Variants in NFIC observed in about 807,000 individuals in gnomAD.
NFIC encodes the protein nuclear factor 1 C-type.
Under a neutral mutation model 54.4 loss-of-function variants are expected in NFIC, and 12 were observed. The observed-to-expected ratio is 0.22, with a 90% CI of 0.14 to 0.36. NFIC has a LOEUF of 0.36. Ranked by LOEUF, NFIC falls within the 10% of genes least tolerant of loss-of-function variation. NFIC has a pLI of 1.00. For missense variants in NFIC, 575 were observed against 718.2 expected (o/e 0.80, Z 2.28); for synonymous variants, 322 against 319.2 (o/e 1.01, Z -0.09).
At chr19:3,366,844 A>AC (rs34678235) in intron 1 of NFIC, among the ~76,000 whole-genome samples, 178 bp downstream of exon 1, 78 of 147,924 alleles carry the variant, frequency 5.3e-4, no homozygotes, top group East Asian at 3.5e-3. Context: ...AGGCTGGGGT[A>AC]CCCCCCCCAC....
At chr19:3,438,293 G>T (rs2082236646) in intron 6 of NFIC, among the ~76,000 whole-genome samples, 1 of 152,114 alleles carries the variant, frequency 6.6e-6, no homozygotes, top group Admixed American at 6.6e-5. Flanking sequence ...GGAGGACAAA[G>T]AGGAAGCCCC....
At chr19:3,367,546 C>G (rs943986733) in intron 1 of NFIC, among the ~76,000 whole-genome samples, 70 of 152,242 alleles carry the variant, frequency 4.6e-4, no homozygotes, top group African/African-American at 1.6e-3. Context: ...CGGGGCCGAG[C>G]CTTGTGCAAT....
At chr19:3,426,437 A>G (rs2082028839) in intron 3 of NFIC, among the ~76,000 whole-genome samples, 1 of 152,060 alleles carries the variant, frequency 6.6e-6, no homozygotes, top group Admixed American at 6.6e-5. Flanking sequence ...AGGGATAGGA[A>G]GTGGGAAAAT....
At chr19:3,427,376 T>C (rs1174081545) in intron 3 of NFIC, among the ~76,000 whole-genome samples, 6 of 152,296 alleles carry the variant, frequency 3.9e-5, no homozygotes, top group South Asian at 2.1e-4. Context: ...GCTTTGTCTG[T>C]CTACATCTCT....
chr19:3,363,242 T>TGTGCGC (rs1491197799), upstream of NFIC, among the ~76,000 whole-genome samples: 3 of 61,190 alleles, frequency 4.9e-5, no homozygotes, highest in African/African-American at 1.4e-4. Flanking sequence ...TATGTGTGTG[T>TGTGCGC]ATATATATAT....
chr19:3,421,237 C>T (rs373619596), intron 2 of NFIC, among the ~76,000 whole-genome samples: 7 of 152,228 alleles, frequency 4.6e-5, no homozygotes, highest in East Asian at 1.9e-4. Flanking sequence ...GGGAAACACC[C>T]GGATGCCAGC....
intron 1 of NFIC, among the ~76,000 whole-genome samples, chr19:3,380,628 CTTTTTTTTT>C (rs1159916071): frequency 1.0e-5 from 1 of 96,118 alleles, no homozygotes; most frequent in African/African-American, 4.1e-5. Context: ...TGCGCCCAGG[CTTTTTTTTT>C]TTTTTTTTTT....
rs1410375094 is a variant in NFIC at position 3,459,206 on chromosome 19, C to T, written c.1509+2571C>T. ...CCAAAGCCTGGGTGGGCGCGCCTTTCCCTCTGCCTCTCCGGCTCCCGACAC... is the reference window on the plus strand; with the variant it reads ...CCAAAGCCTGGGTGGGCGCGCCTTTTCCTCTGCCTCTCCGGCTCCCGACAC... On this transcript the variant is annotated intron_variant, in intron 10 of 10. Transcript: ENST00000443272. This position sits in a 1 kb window ranked among gnomAD's most constrained non-coding sequence, Gnocchi z 4.2. Among the ~76,000 whole-genome samples, 3 of 151,126 alleles carry T rather than the reference C, an allele frequency of 2.0e-5. No individual in the cohort carries two copies. The highest frequency in any genetic ancestry group is 4.9e-5 in the African/African-American group (2 of 41,092).
chr19:3,454,188 C>T (rs1403723505), intron 9 of NFIC: 16 of 1,244,892 alleles, frequency 1.3e-5, no homozygotes, highest in African/African-American at 3.1e-5. Flanking sequence ...CGGTGCCCGC[C>T]GTGGGCCGTC....
intron 6 of NFIC, among the ~76,000 whole-genome samples, chr19:3,439,331 CTCAAAAAAAAAAAAAAAAAA>C (rs2082255226): frequency 1.8e-5 from 1 of 54,056 alleles, no homozygotes; most frequent in Non-Finnish European, 3.4e-5. Flanking sequence ...AAGACCCTGT[CTCAAAAAAAAAAAAAAAAAA>C]AAAAAAAAAA....
intron 1 of NFIC, among the ~76,000 whole-genome samples, chr19:3,368,515 G>C (rs12975866): frequency 0.26 from 38,964 of 152,166 alleles, 5,736 homozygotes; most frequent in Non-Finnish European, 0.34. Context: ...GCAAGAGACA[G>C]AGATGAGAAG....
At chr19:3,373,911 T>C (rs1455793135) in intron 1 of NFIC, among the ~76,000 whole-genome samples, 2 of 152,040 alleles carry the variant, frequency 1.3e-5, no homozygotes, top group African/African-American at 4.8e-5. Context: ...CAGGCTGTGA[T>C]TTTCTGAGCC....
In NFIC at chr19:3,369,257, C is replaced by G. The variant is rs2080954455; in HGVS notation, c.30+2591C>G. 6.6e-6 allele frequency among the ~76,000 whole-genome samples: 1 copy of G among 151,824 alleles called. No homozygotes were observed. On this transcript the variant is annotated intron_variant, in intron 1 of 10. Transcript: ENST00000443272. This position sits in a 1 kb window ranked among gnomAD's most constrained non-coding sequence, Gnocchi z 4.3. ...CCTTCCTCTCTGTCTCTGTTTCTCT[C>G]CAATATGTCTGTCTGTCTCTTCATC...
intron 1 of NFIC, among the ~76,000 whole-genome samples, chr19:3,377,567 T>G (rs1242628257): frequency 6.6e-6 from 1 of 151,998 alleles, no homozygotes; most frequent in Non-Finnish European, 1.5e-5. Flanking sequence ...TATTCCACCT[T>G]GAGGCTGAGA....
At chr19:3,430,959 A>G (rs2082111645) in intron 3 of NFIC, among the ~76,000 whole-genome samples, 1 of 151,542 alleles carries the variant, frequency 6.6e-6, no homozygotes, top group South Asian at 2.1e-4. Context: ...AAAGAAAAAG[A>G]AAGAAAGAAA....
intron 1 of NFIC, among the ~76,000 whole-genome samples, chr19:3,373,627 C>CCA (rs1253284697): frequency 8.5e-6 from 1 of 118,022 alleles, no homozygotes; most frequent in Admixed American, 9.3e-5. Context: ...ACCCCCCCCC[C>CCA]AAGCTAAAAA....
chr19:3,457,647 G>A (rs1176449848), intron 10 of NFIC, among the ~76,000 whole-genome samples: 1 of 152,156 alleles, frequency 6.6e-6, no homozygotes, highest in Non-Finnish European at 1.5e-5. Context: ...CAGCGGCCAC[G>A]GAACTGCAGA....
chr19:3,367,072 C>CT (rs1196410586), intron 1 of NFIC, among the ~76,000 whole-genome samples: 7 of 152,220 alleles, frequency 4.6e-5, no homozygotes, highest in East Asian at 1.9e-4. Flanking sequence ...CCGCCTGCCT[C>CT]TGAGAGGAAT....
At chr19:3,392,864 C>T (rs76719579) in intron 2 of NFIC, among the ~76,000 whole-genome samples, 5,939 of 152,324 alleles carry the variant, frequency 0.039, 181 homozygotes, top group Non-Finnish European at 0.057. Context: ...AACTGAGGCC[C>T]GGAGAGGGGC....
Sources: gnomAD v4.1 joint callset for allele counts (sites outside exome capture counted in the v4.1 genomes callset) on GRCh38, gnomAD v4.1.1 for gene constraint, Gnocchi (gnomAD v3.1) non-coding constraint, MANE v1.5 for transcripts, NCBI Gene and HGNC (gene_info 2026-07-23, HGNC 2026-07-21) for gene names.